Variants in ABCC12 observed in about 807,000 individuals in gnomAD.
ABCC12 encodes ATP-binding cassette sub-family C member 12.
Under a neutral mutation model 151.1 loss-of-function variants are expected in ABCC12, and 142 were observed. The observed-to-expected ratio is 0.94, with a 90% CI of 0.82 to 1.08. The LOEUF is 1.08. ABCC12 is among the 50% of genes least tolerant of loss of function. ABCC12 has a pLI of 0.00. For synonymous variants in ABCC12, 645 were observed against 646.4 expected (o/e 1.00, Z 0.03); for missense variants, 1,638 against 1,691.1 (o/e 0.97, Z 0.55).
At chr16:48,138,470 T>C in intron 7 of ABCC12, 95 bp from the exon 8 acceptor site, 11 of 1,436,098 alleles carry the variant, frequency 7.7e-6, no homozygotes, top group Non-Finnish European at 1.0e-5. Context: ...CCAGAAAAAG[T>C]TCTAAAGGAA....
chr16:48,112,768 ACCACGGTGT>A (rs1963741826), intron 15 of ABCC12, among the ~76,000 whole-genome samples: 2 of 152,090 alleles, frequency 1.3e-5, no homozygotes, highest in African/African-American at 4.8e-5. Context: ...GGAGAAGCAG[ACCACGGTGT>A]GGTCTCCAGG....
rs530220730 is a variant in ABCC12 at position 48,149,146 on chromosome 16, T to C, written c.-50-2672A>G. On this transcript the variant is annotated intron_variant, in intron 2 of 30. Coordinates refer to ENST00000311303, the MANE Select transcript of ABCC12 (RefSeq NM_001393797.1). ...AAAATAACAAATAAAGTATAAATTA[T>C]AACATTGTGTTAGCCCTAGAAAAAA... Among the ~76,000 whole-genome samples, 139 of 148,356 alleles carry C rather than the reference T, an allele frequency of 9.4e-4. 2 individuals carry two copies. In the South Asian group the frequency reaches 0.021, roughly 22 times the overall value.
intron 13 of ABCC12, 98 bp from the exon 14 acceptor site, chr16:48,117,431 G>GCC: frequency 7.7e-7 from 1 of 1,303,088 alleles, no homozygotes; most frequent in Non-Finnish European, 1.1e-6. Context: ...GCTGGGGCAA[G>GCC]GCCAGGGGTG....
chr16:48,146,930 T>A (rs1033031629), intron 2 of ABCC12, among the ~76,000 whole-genome samples: 2 of 151,576 alleles, frequency 1.3e-5, no homozygotes, highest in Admixed American at 1.3e-4. Context: ...TCCACAAACA[T>A]GCACACACAC....
chr16:48,154,372 TAA>T (rs1017757001), intron 1 of ABCC12, among the ~76,000 whole-genome samples: 2 of 148,774 alleles, frequency 1.3e-5, no homozygotes, highest in Admixed American at 6.7e-5. Context: ...GATACCACAT[TAA>T]AAAAAAAATA....
intron 14 of ABCC12, among the ~76,000 whole-genome samples, chr16:48,116,277 C>T (rs528727066): frequency 5.3e-5 from 8 of 152,242 alleles, no homozygotes; most frequent in Non-Finnish European, 7.4e-5. Flanking sequence ...AGGCACGGGG[C>T]GGGACACACA....
At chr16:48,095,338 C>G (rs1412955246) in intron 24 of ABCC12, among the ~76,000 whole-genome samples, 1 of 150,240 alleles carries the variant, frequency 6.7e-6, no homozygotes, top group Non-Finnish European at 1.5e-5. Flanking sequence ...TGAGGCCTCC[C>G]CAGCCACGTG....
intron 25 of ABCC12, among the ~76,000 whole-genome samples, chr16:48,090,092 A>G (rs1042283940): frequency 6.6e-6 from 1 of 152,220 alleles, no homozygotes; most frequent in Non-Finnish European, 1.5e-5. Context: ...AAAGGCACCT[A>G]AATGTGATTG....
Position 48,133,794 on chromosome 16 carries a change from A to G in ABCC12, c.1021T>C (p.Phe341Leu). The G allele has an allele frequency of 6.2e-7, 1 of 1,614,152 alleles. No individual in the cohort carries two copies. The highest frequency in any genetic ancestry group is 2.2e-5 in the East Asian group (1 of 44,878). Residue 341 changes from phenylalanine (F) to leucine (L), a missense_variant, in exon 9 of 31, where the codon TTT becomes CTT. Transcript: ENST00000311303. ...AGGGCAGAGTTTCCACTTTGGACAA[A>G]TCCAGCTTTTTCCAGTAATTTTCTT... ...RERKLLEKAG[F>L]VQSGNSALAP...
At chr16:48,110,748 C>G (rs367612265) in intron 18 of ABCC12, among the ~76,000 whole-genome samples, 1 of 152,136 alleles carries the variant, frequency 6.6e-6, no homozygotes. Context: ...AAGGCCACCC[C>G]CTCTGTGAAG....
intron 1 of ABCC12, among the ~76,000 whole-genome samples, chr16:48,155,638 A>T (rs1965175132): frequency 6.6e-6 from 1 of 152,214 alleles, no homozygotes; most frequent in Non-Finnish European, 1.5e-5. Context: ...AAAGTGGAAG[A>T]GGGGCTGCCT....
rs558796737 is a variant in ABCC12 at position 48,152,545 on chromosome 16, T to G, written c.-51+1071A>C. ...AGCAGAGGTAGGAAAGCAGGTTAGC[T>G]GATGAAGAAGAAAGAGCTCACGGCA... is the stretch of plus-strand genomic sequence containing the variant. On this transcript the variant is annotated intron_variant, in intron 2 of 30. Coordinates refer to ENST00000311303, the MANE Select transcript of ABCC12 (RefSeq NM_001393797.1). Among the ~76,000 whole-genome samples, 341 of 152,276 alleles carry G rather than the reference T, an allele frequency of 2.2e-3. 3 individuals carry two copies. The highest frequency in any genetic ancestry group is 8.0e-3 in the African/African-American group (332 of 41,556).
Position 48,146,970 on chromosome 16 carries a change from C to T in ABCC12, c.-50-496G>A, listed in dbSNP as rs116335811. ...ATGCGCATACACCCACACACACCCA[C>T]GCACACACATGCACACACCCCTTCT... On this transcript the variant is annotated intron_variant, in intron 2 of 30. Coordinates refer to ENST00000311303, the MANE Select transcript of ABCC12 (RefSeq NM_001393797.1). 3.5e-3 allele frequency among the ~76,000 whole-genome samples: 539 copies of T among 152,066 alleles called. 5 individuals are homozygous for T. The highest frequency in any genetic ancestry group is 0.012 in the African/African-American group (502 of 41,478).
chr16:48,117,444 G>T, intron 13 of ABCC12, 111 bp from the exon 14 acceptor site: 3 of 1,160,802 alleles, frequency 2.6e-6, no homozygotes, highest in Middle Eastern at 2.2e-4. Context: ...CAGGGGTGGC[G>T]GCTGCTATGT....
intron 20 of ABCC12, 25 bp from the exon 21 acceptor site, chr16:48,105,361 C>G: frequency 6.3e-7 from 1 of 1,576,024 alleles, no homozygotes; most frequent in African/African-American, 1.4e-5. Flanking sequence ...AAGAGAAGCA[C>G]CAAGAATTGA....
intron 25 of ABCC12, among the ~76,000 whole-genome samples, chr16:48,089,493 A>G (rs1320547100): frequency 6.6e-6 from 1 of 152,206 alleles, no homozygotes; most frequent in African/African-American, 2.4e-5. Flanking sequence ...GGTCTAATTA[A>G]GGAGTAGAGC....
At chr16:48,084,144 T>G in intron 29 of ABCC12, 71 bp from the exon 30 acceptor site, 1 of 1,442,110 alleles carries the variant, frequency 6.9e-7, no homozygotes, top group Non-Finnish European at 9.3e-7. Flanking sequence ...CTCTATTTAC[T>G]TTAAAAAAAA....
chr16:48,136,610 T>C (rs762329246), intron 8 of ABCC12, among the ~76,000 whole-genome samples: 1 of 152,024 alleles, frequency 6.6e-6, no homozygotes, highest in Non-Finnish European at 1.5e-5. Context: ...TAATTACAAA[T>C]TGTGTTGAGT....
chr16:48,083,391 T>TA lies in ABCC12; in HGVS notation c.*323dup, dbSNP rs1166908251. 7 of 275,432 alleles carry TA rather than the reference T, an allele frequency of 2.5e-5. No individual in the cohort carries two copies. Among genetic ancestry groups the TA allele is most frequent in the Non-Finnish European group, 4.7e-5 (7 of 149,970 alleles). 17.1% of individuals were successfully genotyped at this position (275,432 alleles called of 1,614,324 possible). A position where few individuals can be genotyped will look rare whatever the true frequency, so the allele number is the denominator to read the frequency against. On this transcript the variant is annotated 3_prime_UTR_variant, in exon 31 of 31. Transcript: ENST00000311303. ...TTGTGGCTGATTTCTAACTGAAAGT[T>TA]ACAATATTTTCAATCTCAGGCACTG...
Sources: gnomAD v4.1 joint callset for allele counts (sites outside exome capture counted in the v4.1 genomes callset) on GRCh38, gnomAD v4.1.1 for gene constraint, MANE v1.5 for transcripts, NCBI Gene and HGNC (gene_info 2026-07-23, HGNC 2026-07-21) for gene names.